Variants in KCND2 observed in about 807,000 individuals in gnomAD.
KCND2 encodes the protein potassium voltage-gated channel subfamily D member 2.
In KCND2, 16 loss-of-function variants were observed where a neutral mutation model predicts 54.4. The ratio of observed to expected loss-of-function variants is 0.29; its 90% CI spans 0.20 to 0.45. The LOEUF (loss-of-function observed/expected upper bound fraction) is 0.45. Among genes scored for constraint, KCND2 ranks in the 20% least tolerant of loss-of-function variants. The pLI is 1.00. For synonymous variants in KCND2, 317 were observed against 310.7 expected (o/e 1.02, Z -0.21); for missense variants, 486 against 824.2 (o/e 0.59, Z 5.02).
At chr7:120,498,689 C>A (rs1208532856) in intron 1 of KCND2, among the ~76,000 whole-genome samples, 1 of 151,892 alleles carries the variant, frequency 6.6e-6, no homozygotes, top group Non-Finnish European at 1.5e-5. Context: ...GCATGAGAAT[C>A]GCTTGAACCC....
intron 4 of KCND2, among the ~76,000 whole-genome samples, chr7:120,743,690 G>A (rs1792970147): frequency 6.6e-6 from 1 of 152,108 alleles, no homozygotes; most frequent in African/African-American, 2.4e-5. Context: ...ACAAGTACCT[G>A]AAGAAGGAAA....
intron 1 of KCND2, among the ~76,000 whole-genome samples, chr7:120,633,338 G>C (rs1793262434): frequency 6.6e-6 from 1 of 152,084 alleles, no homozygotes. Flanking sequence ...TTTACCAATG[G>C]AGAGAAAAAA....
At chr7:120,364,436 CATA>C (rs1421288508) in intron 1 of KCND2, among the ~76,000 whole-genome samples, 1 of 152,064 alleles carries the variant, frequency 6.6e-6, no homozygotes, top group East Asian at 1.9e-4. Flanking sequence ...AATTTATGGA[CATA>C]ATAAGCTGGG....
chr7:120,622,512 T>A (rs1406347916), intron 1 of KCND2, among the ~76,000 whole-genome samples: 1 of 151,124 alleles, frequency 6.6e-6, no homozygotes, highest in African/African-American at 2.5e-5. Flanking sequence ...GTCTCATAAT[T>A]TCTGTTAATA....
rs530387840 is a variant in KCND2 at position 120,340,108 on chromosome 7, G to A, written c.1115+64361G>A. Among the ~76,000 whole-genome samples, 4 of 152,318 alleles carry A rather than the reference G, an allele frequency of 2.6e-5. No homozygotes were observed. The South Asian group carries it at 8.3e-4, about 32-fold the overall frequency. On this transcript the variant is annotated intron_variant, in intron 1 of 5. Transcript: ENST00000331113. ...ATGAAGAACTAGTAGGGGATTTAGA[G>A]CAGAAGAGAGACTTACATTACACAA...
At position 120,445,366 on chromosome 7, in the gene KCND2, T is replaced by G. The variant is rs376728412; in HGVS notation, c.1115+169619T>G. Among the ~76,000 whole-genome samples the G allele has an allele frequency of 7.9e-5, 12 of 152,276 alleles. No individual in the cohort carries two copies. The East Asian group carries it at 2.3e-3, about 29-fold the overall frequency. ...ATTCAAAAGTAATGAATACATGGAT[T>G]CTGTGTTTCTATTAATTTTCATAAG... On this transcript the variant is annotated intron_variant, in intron 1 of 5. Transcript: ENST00000331113.
chr7:120,532,899 T>G (rs778236954), intron 1 of KCND2, among the ~76,000 whole-genome samples: 6 of 152,028 alleles, frequency 3.9e-5, no homozygotes, highest in Non-Finnish European at 8.8e-5. Context: ...CATAATGTCT[T>G]ATTATATTAA....
intron 1 of KCND2, among the ~76,000 whole-genome samples, chr7:120,564,780 T>G (rs1792276351): frequency 6.6e-6 from 1 of 152,202 alleles, no homozygotes; most frequent in Non-Finnish European, 1.5e-5. Context: ...ACAATTTATG[T>G]TCTCACTCCT....
chr7:120,684,044 G>C (rs975857563), intron 1 of KCND2, among the ~76,000 whole-genome samples: 1 of 152,016 alleles, frequency 6.6e-6, no homozygotes, highest in African/African-American at 2.4e-5. Flanking sequence ...TCTCCAAATA[G>C]AGCCTTTATT....
intron 1 of KCND2, among the ~76,000 whole-genome samples, chr7:120,539,173 TGATA>T (rs796272553): frequency 1.1e-4 from 16 of 152,098 alleles, no homozygotes; most frequent in Admixed American, 3.3e-4. Context: ...GATAGAAAAT[TGATA>T]GATAGATATT....
chr7:120,298,322 A>G (rs1162608490), intron 1 of KCND2, among the ~76,000 whole-genome samples: 1 of 152,178 alleles, frequency 6.6e-6, no homozygotes, highest in Non-Finnish European at 1.5e-5. Flanking sequence ...GGAACATCCC[A>G]GTTATGTTAC....
intron 1 of KCND2, among the ~76,000 whole-genome samples, chr7:120,630,672 TC>T (rs1245723809): frequency 6.6e-6 from 1 of 152,294 alleles, no homozygotes; most frequent in East Asian, 1.9e-4. Context: ...ATTAGGGAAT[TC>T]CCAGACCATT....
Position 120,624,401 on chromosome 7 carries a change from A to G in KCND2, c.1116-108502A>G, listed in dbSNP as rs753278048. Among the ~76,000 whole-genome samples the G allele has an allele frequency of 1.2e-4, 19 of 152,204 alleles. 1 individual carries two copies. Among genetic ancestry groups the G allele is most frequent in the Non-Finnish European group, 1.2e-4 (8 of 68,034 alleles). On this transcript the variant is annotated intron_variant, in intron 1 of 5. Coordinates refer to ENST00000331113, the MANE Select transcript of KCND2 (RefSeq NM_012281.3). ...CCAGCAAATTTATTTATTGCATTAT[A>G]TCGGAAGAGAGATATTTAGCACATA...
intron 1 of KCND2, among the ~76,000 whole-genome samples, chr7:120,549,534 A>T (rs1042532706): frequency 1.3e-5 from 2 of 152,200 alleles, no homozygotes; most frequent in South Asian, 4.1e-4. Context: ...TACTTAACTG[A>T]CATGTTGCTG....
At chr7:120,424,055 C>G (rs1348557817) in intron 1 of KCND2, among the ~76,000 whole-genome samples, 1 of 152,172 alleles carries the variant, frequency 6.6e-6, no homozygotes, top group Admixed American at 6.5e-5. Context: ...CAGAAAATGG[C>G]TAATTACTTT....
chr7:120,434,233 T>G (rs1801834606), intron 1 of KCND2, among the ~76,000 whole-genome samples: 2 of 152,140 alleles, frequency 1.3e-5, no homozygotes, highest in Non-Finnish European at 2.9e-5. Context: ...AGGCCAAACT[T>G]CCTAAGACAG....
chr7:120,361,464 A>T (rs138373446), intron 1 of KCND2, among the ~76,000 whole-genome samples: 1 of 151,762 alleles, frequency 6.6e-6, no homozygotes, highest in East Asian at 1.9e-4. Context: ...TCAGTAGATT[A>T]TCTGCCTACA....
At chr7:120,598,299 A>G (rs1048890923) in intron 1 of KCND2, among the ~76,000 whole-genome samples, 3 of 152,064 alleles carry the variant, frequency 2.0e-5, no homozygotes, top group Non-Finnish European at 4.4e-5. Context: ...TGAATAATGG[A>G]AATATATTAC....
At chr7:120,347,528 C>T (rs1183143763) in intron 1 of KCND2, among the ~76,000 whole-genome samples, 2 of 151,982 alleles carry the variant, frequency 1.3e-5, no homozygotes, top group Non-Finnish European at 2.9e-5. Flanking sequence ...GAGGCTGAGG[C>T]GGGTGGATCA....
Sources: gnomAD v4.1 joint callset for allele counts (sites outside exome capture counted in the v4.1 genomes callset) on GRCh38, gnomAD v4.1.1 for gene constraint, MANE v1.5 for transcripts, NCBI Gene and HGNC (gene_info 2026-07-23, HGNC 2026-07-21) for gene names.